The following DNAH6 variants were observed in gnomAD, a reference collection of about 807,000 sequenced individuals.
DNAH6 encodes dynein axonemal heavy chain 6.
DNAH6 carries 340 observed loss-of-function variants against 491.4 expected under a neutral mutation model. That is an observed-to-expected ratio of 0.69 (90% CI 0.63 to 0.76). DNAH6 has a LOEUF of 0.76. DNAH6 is among the 30% of genes least tolerant of loss of function. The pLI is 0.00. For synonymous variants in DNAH6, 1,603 were observed against 1,686.1 expected, an observed-to-expected ratio of 0.95 and a Z score of 1.21; for missense variants, 4,443 against 4,972.2, an observed-to-expected ratio of 0.89 and a Z score of 3.20.
At chr2:84,781,697 G>T in intron 65 of DNAH6, 44 bp downstream of exon 65, 1 of 1,497,228 alleles carries the variant, frequency 6.7e-7, no homozygotes. Flanking sequence ...ACATTTTTAT[G>T]TAACCTTTTC....
chr2:84,728,070 A>G (rs1698806159), intron 61 of DNAH6, among the ~76,000 whole-genome samples, 168 bp downstream of exon 61: 1 of 152,186 alleles, frequency 6.6e-6, no homozygotes, highest in Middle Eastern at 3.2e-3. Context: ...GTGGTAGTGA[A>G]TAAGTCTCAT....
chr2:84,680,415 G>A (rs1693671281), intron 41 of DNAH6, among the ~76,000 whole-genome samples: 2 of 152,148 alleles, frequency 1.3e-5, no homozygotes, highest in African/African-American at 2.4e-5. Flanking sequence ...TGTTATGGAT[G>A]AGAAGATCAA....
In DNAH6 at chr2:84,624,394, A is replaced by AGG; in HGVS notation, c.4197+4_4197+5insGG. 6.5e-7 allele frequency: 1 copy of AGG among 1,550,082 alleles called. No individual in the cohort carries two copies. The highest frequency in any genetic ancestry group is 1.2e-5 in the South Asian group (1 of 83,606). On this transcript the variant is annotated splice_donor_region_variant and intron_variant, in intron 27 of 76. Coordinates refer to ENST00000389394, the MANE Select transcript of DNAH6 (RefSeq NM_001370.2). The stretch of plus-strand genomic sequence containing the variant: ...CACTGAACTTGTTCAATCCAAGGTA[A>AGG]CTGTTTCATTTAAGTAAAATTATAT...
the DNAH6 span, among the ~76,000 whole-genome samples, chr2:84,494,914 T>G: frequency 6.6e-6 from 1 of 152,196 alleles, no homozygotes; most frequent in South Asian, 2.1e-4. Flanking sequence ...AGATTCTGCA[T>G]GACTAGCAAG....
chr2:84,736,422 G>C (rs1391291262), intron 62 of DNAH6, among the ~76,000 whole-genome samples: 1 of 152,062 alleles, frequency 6.6e-6, no homozygotes, highest in Non-Finnish European at 1.5e-5. Context: ...TAAATCTGTA[G>C]ATTGCTTCGG....
At chr2:84,790,620 G>A (rs1264272911) in intron 68 of DNAH6, among the ~76,000 whole-genome samples, 1 of 152,148 alleles carries the variant, frequency 6.6e-6, no homozygotes, top group East Asian at 1.9e-4. Context: ...CAAATGCCCA[G>A]TAAACACATG....
rs1684512854 is a variant in DNAH6 at position 84,595,718 on chromosome 2, C to T, written c.2797C>T (p.Leu933=). The T allele has an allele frequency of 6.4e-7, 1 of 1,551,214 alleles. No homozygotes were observed. Among genetic ancestry groups the T allele is most frequent in the Admixed American group, 2.0e-5 (1 of 50,922 alleles). Residue 933 remains leucine, a synonymous_variant, in exon 18 of 77, where the codon CTG becomes TTG. Transcript: ENST00000389394. ...VSKYAKFVTQ[L]EKGLPPNSVV... is the part of the protein sequence containing the mutation. ...TAAATATGCTAAATTTGTGACTCAACTGGAAAAAGGCTTGCCACCCAACAG... is the reference window on the plus strand; with the variant it reads ...TAAATATGCTAAATTTGTGACTCAATTGGAAAAAGGCTTGCCACCCAACAG...
At position 84,727,683 on chromosome 2, in the gene DNAH6, C is replaced by T; in HGVS notation, c.9987C>T (p.Thr3329=). Residue 3329 remains threonine (T), a synonymous_variant, in exon 61 of 77, where the codon ACC becomes ACT. Transcript: ENST00000389394. The stretch of plus-strand genomic sequence containing the variant: ...CTTTCACACAGTTGTTCAATACCAC[C>T]ATTGAAACTTCTGTAAAGACAGAAA... The part of the protein sequence containing the change: ...LKYFKQLFNT[T]IETSVKTENL... The T allele has an allele frequency of 6.5e-7, 1 of 1,545,130 alleles. No individual in the cohort carries two copies. The highest frequency in any genetic ancestry group is 8.8e-7 in the Non-Finnish European group (1 of 1,141,092).
intron 15 of DNAH6, among the ~76,000 whole-genome samples, chr2:84,586,841 T>C (rs1360504737): frequency 6.6e-6 from 1 of 152,210 alleles, no homozygotes; most frequent in Non-Finnish European, 1.5e-5. Flanking sequence ...ATATACTGTA[T>C]TCTATACACA....
At chr2:84,494,641 G>T in the DNAH6 span, among the ~76,000 whole-genome samples, 1 of 152,174 alleles carries the variant, frequency 6.6e-6, no homozygotes, top group Non-Finnish European at 1.5e-5. Context: ...CTAGAGAGTA[G>T]ATTTTGACAT....
At chr2:84,574,407 G>A (rs550030836) in intron 12 of DNAH6, among the ~76,000 whole-genome samples, 1 of 152,094 alleles carries the variant, frequency 6.6e-6, no homozygotes, top group Non-Finnish European at 1.5e-5. Context: ...ATCCTCCACC[G>A]AAATAGCAAT....
intron 37 of DNAH6, among the ~76,000 whole-genome samples, chr2:84,662,472 G>C (rs1464332250): frequency 6.6e-6 from 1 of 152,226 alleles, no homozygotes; most frequent in Non-Finnish European, 1.5e-5. Context: ...ACATGGCTCA[G>C]AGGGTCCCAC....
Position 84,621,431 on chromosome 2 carries a change from CT to C in DNAH6, c.3958-5del. ...ATCACATATTTAAGAAACATGTTTT[CT>C]TGCAGGTTATCCTGACTGTTTCTCA... On this transcript the variant is annotated splice_polypyrimidine_tract_variant and splice_region_variant and intron_variant, in intron 25 of 76. Transcript: ENST00000389394. The C allele has an allele frequency of 6.5e-7, 1 of 1,542,530 alleles. No homozygotes were observed. Among genetic ancestry groups the C allele is most frequent in the Non-Finnish European group, 8.8e-7 (1 of 1,139,150 alleles).
chr2:84,641,895 T>C (rs752166534), intron 32 of DNAH6, 52 bp from the exon 33 acceptor site: 17 of 1,436,998 alleles, frequency 1.2e-5, no homozygotes, highest in Non-Finnish European at 1.5e-5. Flanking sequence ...TAGAAAATCA[T>C]GTTCAACCTT....
At chr2:84,499,017 T>G in the DNAH6 span, among the ~76,000 whole-genome samples, 3 of 111,422 alleles carry the variant, frequency 2.7e-5, no homozygotes, top group African/African-American at 1.0e-4. Flanking sequence ...GAATGGAGTA[T>G]CCATCCCCTC....
chr2:84,724,157 T>G (rs1480695818), intron 60 of DNAH6, among the ~76,000 whole-genome samples: 1 of 152,188 alleles, frequency 6.6e-6, no homozygotes, highest in African/African-American at 2.4e-5. Flanking sequence ...ATGACACAAC[T>G]CAGCCAACGA....
chr2:84,482,142 A>G, the DNAH6 span, among the ~76,000 whole-genome samples: 1 of 152,294 alleles, frequency 6.6e-6, no homozygotes, highest in East Asian at 1.9e-4. Context: ...ATATGCAAAC[A>G]CCTTCACAGA....
At chr2:84,802,178 A>C (rs532438776) in intron 70 of DNAH6, among the ~76,000 whole-genome samples, 33 of 152,294 alleles carry the variant, frequency 2.2e-4, no homozygotes, top group African/African-American at 7.0e-4. Flanking sequence ...CTAGCCAACA[A>C]CACCACAACA....
At chr2:84,505,972 G>C in the DNAH6 span, among the ~76,000 whole-genome samples, 1 of 152,156 alleles carries the variant, frequency 6.6e-6, no homozygotes, top group Non-Finnish European at 1.5e-5. Context: ...TGGACATTTG[G>C]GTTGGTTCCA....
Sources: allele counts gnomAD v4.1 joint callset (sites outside exome capture counted in the v4.1 genomes callset), GRCh38; gene constraint gnomAD v4.1.1; transcripts MANE v1.5; gene names NCBI Gene and HGNC (gene_info 2026-07-23, HGNC 2026-07-21).